RBFOX3: variants seen among roughly 807,000 people sequenced by gnomAD.
The protein encoded by RBFOX3 is RNA binding protein fox-1 homolog 3.
RBFOX3 carries 17 observed loss-of-function variants against 48.7 expected under a neutral mutation model. The ratio of observed to expected loss-of-function variants is 0.35; its 90% confidence interval spans 0.24 to 0.52. The LOEUF (loss-of-function observed/expected upper bound fraction) is 0.52. Among genes scored for constraint, RBFOX3 ranks in the 20% least tolerant of loss-of-function variants. RBFOX3 has a pLI of 0.94. For missense variants in RBFOX3, 382 were observed against 497.5 expected (o/e 0.77, Z 2.21); for synonymous variants, 212 against 209.5 (o/e 1.01, Z -0.10).
At chr17:79,329,793 C>T (rs72849078) in intron 2 of RBFOX3, among the ~76,000 whole-genome samples, 22,888 of 152,204 alleles carry the variant, frequency 0.15, 1,787 homozygotes, top group East Asian at 0.2. Flanking sequence ...GCTCCCATCC[C>T]GGTTCCTCTT....
At chr17:79,354,983 T>A (rs139111412) in intron 2 of RBFOX3, among the ~76,000 whole-genome samples, 4 of 152,318 alleles carry the variant, frequency 2.6e-5, no homozygotes, top group Non-Finnish European at 4.4e-5. Context: ...GGCTGTGGGA[T>A]TATTAATGGG....
At chr17:79,210,871 T>C (rs1341493693) in intron 4 of RBFOX3, among the ~76,000 whole-genome samples, 1 of 139,262 alleles carries the variant, frequency 7.2e-6, no homozygotes, top group African/African-American at 2.7e-5. Context: ...TCAGTCCTGG[T>C]CTCCTCTAGG....
At chr17:79,436,291 C>T (rs1450493616) in intron 2 of RBFOX3, among the ~76,000 whole-genome samples, 2 of 152,222 alleles carry the variant, frequency 1.3e-5, no homozygotes, top group African/African-American at 2.4e-5. Flanking sequence ...GGGTAACAGA[C>T]CAGGGCAGGG....
intron 4 of RBFOX3, chr17:79,233,799 G>C (rs1458699284): frequency 6.6e-6 from 1 of 152,152 alleles, no homozygotes; most frequent in Non-Finnish European, 1.5e-5. Flanking sequence ...TAGAGACGGG[G>C]TTTCACTACA....
At chr17:79,285,917 A>T (rs1325622114) in intron 3 of RBFOX3, among the ~76,000 whole-genome samples, 2 of 152,142 alleles carry the variant, frequency 1.3e-5, no homozygotes, top group African/African-American at 4.8e-5. Context: ...TCCTGACCTC[A>T]GATGATCCAC....
intron 2 of RBFOX3, among the ~76,000 whole-genome samples, chr17:79,389,370 G>T (rs1163077357): frequency 1.3e-5 from 2 of 152,172 alleles, no homozygotes; most frequent in African/African-American, 2.4e-5. Context: ...CCCCTGGGAG[G>T]CCCCCTTTCT....
At chr17:79,412,828 T>C (rs1348578224) in intron 2 of RBFOX3, among the ~76,000 whole-genome samples, 3 of 151,718 alleles carry the variant, frequency 2.0e-5, no homozygotes, top group Admixed American at 2.0e-4. Context: ...TGTGTGTATA[T>C]ATGTGAGGGC....
At position 79,249,056 on chromosome 17, in the gene RBFOX3, C is replaced by T. The variant is rs1259803909; in HGVS notation, c.-73-13251G>A. On this transcript the variant is annotated intron_variant, in intron 3 of 14. Transcript: ENST00000693108. The surrounding 1 kb of genome is among the most constrained non-coding windows in gnomAD (Gnocchi z 4.1). ...CCGCCAGCGGGGCCAGAACCCAGAG[C>T]GAGGCTGCCTCCCCTGGGTCGGCAA... is the stretch of plus-strand genomic sequence containing the variant. 1.3e-5 allele frequency among the ~76,000 whole-genome samples: 2 copies of T among 152,142 alleles called. No homozygotes were observed. Among genetic ancestry groups the T allele is most frequent in the African/African-American group, 2.4e-5 (1 of 41,436 alleles).
chr17:79,361,282 G>A lies in RBFOX3; in HGVS notation c.-174-53458C>T, dbSNP rs758911930. ...CCTCTTCCCTCTCCCCAGGCTGCTG[G>A]TTGGCGCCTTGATCCATTTGCCATC... On this transcript the variant is annotated intron_variant, in intron 2 of 14. Coordinates refer to ENST00000693108, the MANE Select transcript of RBFOX3 (RefSeq NM_001350451.2). The surrounding 1 kb of genome is among the most constrained non-coding windows in gnomAD (Gnocchi z 4.5). Among the ~76,000 whole-genome samples the A allele has an allele frequency of 6.6e-6, 1 of 152,130 alleles. No homozygotes were observed. The highest frequency in any genetic ancestry group is 1.5e-5 in the Non-Finnish European group (1 of 68,028).
Position 79,517,444 on chromosome 17 carries a change from CAA to C in RBFOX3, c.-319-34848_-319-34847del, listed in dbSNP as rs1231600861. 1.3e-4 allele frequency among the ~76,000 whole-genome samples: 12 copies of C among 94,938 alleles called. No homozygotes were observed. The East Asian group carries it at 2.3e-3, about 18-fold the overall frequency. The allele number at this position is 94,938 out of a possible 152,430, so 62.3% of individuals were successfully genotyped here. ...TGGACTATACAGTGAGAGTCTGTCT[CAA>C]AAAAAAAAAAAAAAACAAACAAAAA... On this transcript the variant is annotated intron_variant, in intron 1 of 14. Transcript: ENST00000693108.
At chr17:79,452,684 G>C (rs1475693061) in intron 2 of RBFOX3, among the ~76,000 whole-genome samples, 1 of 152,174 alleles carries the variant, frequency 6.6e-6, no homozygotes. Context: ...GATGAGGGAG[G>C]GGACCACTGG....
At chr17:79,241,534 G>GGTGCTGAGGAAGGTGACTCT (rs1465416082) in intron 3 of RBFOX3, among the ~76,000 whole-genome samples, 2 of 152,152 alleles carry the variant, frequency 1.3e-5, no homozygotes, top group Non-Finnish European at 2.9e-5. Context: ...TGACGTGGAA[G>GGTGCTGAGGAAGGTGACTCT]GTGCTGAGGA....
At chr17:79,105,760 G>A (rs968740879) in intron 6 of RBFOX3, among the ~76,000 whole-genome samples, 2 of 152,176 alleles carry the variant, frequency 1.3e-5, no homozygotes, top group African/African-American at 4.8e-5. Context: ...GTCTACCTGC[G>A]CAGCAGAGGT....
chr17:79,357,837 A>T (rs2085490616), intron 2 of RBFOX3, among the ~76,000 whole-genome samples: 1 of 151,890 alleles, frequency 6.6e-6, no homozygotes, highest in Non-Finnish European at 1.5e-5. Flanking sequence ...AAGTCAATAC[A>T]AATGTTTACC....
chr17:79,199,245 C>A lies in RBFOX3; in HGVS notation c.-34+36521G>T, dbSNP rs554319602. ...GGGCCTTTCGAAAAGACCTCCCTAG[C>A]CCCCCACCCTCGGCAGCACCACCCA... On this transcript the variant is annotated intron_variant, in intron 4 of 14. Coordinates refer to ENST00000693108, the MANE Select transcript of RBFOX3 (RefSeq NM_001350451.2). The surrounding 1 kb of genome is among the most constrained non-coding windows in gnomAD (Gnocchi z 5.1). Among the ~76,000 whole-genome samples, 2 of 152,142 alleles carry A rather than the reference C, an allele frequency of 1.3e-5. No individual in the cohort carries two copies. The highest frequency in any genetic ancestry group is 2.9e-5 in the Non-Finnish European group (2 of 67,996).
rs12945804 is a variant in RBFOX3, at chr17:79,535,724, G to C, written c.-319-53126C>G. ...ACAGTCAATCGGACATAGGAATAAC[G>C]TGTCCTCTGCACCCAGGAAGCCTGC... On this transcript the variant is annotated intron_variant, in intron 1 of 14. Transcript: ENST00000693108. The surrounding 1 kb of genome is among the most constrained non-coding windows in gnomAD (Gnocchi z 4.5). 0.24 allele frequency among the ~76,000 whole-genome samples: 35,838 copies of C among 152,118 alleles called. 6,443 individuals carry two copies. Among genetic ancestry groups the C allele is most frequent in the African/African-American group, 0.5 (20,903 of 41,454 alleles).
chr17:79,567,527 C>T (rs1052754436), intron 1 of RBFOX3, among the ~76,000 whole-genome samples: 31 of 152,156 alleles, frequency 2.0e-4, no homozygotes, highest in Non-Finnish European at 4.0e-4. Flanking sequence ...TTTAACATGA[C>T]GTCCTCCAGA....
chr17:79,336,389 AAAATAAATAAAT>A (rs71161661), intron 2 of RBFOX3, among the ~76,000 whole-genome samples: 5 of 146,912 alleles, frequency 3.4e-5, no homozygotes, highest in South Asian at 2.2e-4. Flanking sequence ...TTCATCTCAA[AAAATAAATAAAT>A]AAATAAATAA....
chr17:79,148,292 G>A (rs891474098), intron 4 of RBFOX3, among the ~76,000 whole-genome samples: 1 of 152,188 alleles, frequency 6.6e-6, no homozygotes, highest in Non-Finnish European at 1.5e-5. Context: ...CAAGCCTCTC[G>A]GCTGCCTCCT....
Sources: allele counts gnomAD v4.1 joint callset (sites outside exome capture counted in the v4.1 genomes callset), GRCh38; gene constraint gnomAD v4.1.1; non-coding constraint Gnocchi (gnomAD v3.1); transcripts MANE v1.5; gene names NCBI Gene and HGNC (gene_info 2026-07-23, HGNC 2026-07-21).